RBMS3: variants seen among roughly 807,000 people sequenced by gnomAD.
The protein encoded by RBMS3 is RNA-binding motif, single-stranded-interacting protein 3.
Under a neutral mutation model 66.8 loss-of-function variants are expected in RBMS3, and 27 were observed. The ratio of observed to expected loss-of-function variants is 0.40; its 90% CI spans 0.30 to 0.56. The LOEUF (loss-of-function observed/expected upper bound fraction) is 0.56, where lower values mean the gene tolerates loss of function less well. Among genes scored for constraint, RBMS3 ranks in the 20% least tolerant of loss-of-function variants. The pLI, the probability that RBMS3 is intolerant of heterozygous loss-of-function variation, is 0.40. For missense variants in RBMS3, 513 were observed against 549.5 expected, an observed-to-expected ratio of 0.93 and a Z score of 0.66; for synonymous variants, 188 against 183.0, an observed-to-expected ratio of 1.03 and a Z score of -0.22.
intron 1 of RBMS3, among the ~76,000 whole-genome samples, chr3:29,347,768 A>G (rs893704290): frequency 2.0e-5 from 3 of 152,206 alleles, no homozygotes; most frequent in Admixed American, 6.5e-5. Context: ...TCTCCCCACA[A>G]AACTCGCCGT....
intron 12 of RBMS3, among the ~76,000 whole-genome samples, chr3:29,960,323 G>A (rs1373472741): frequency 1.3e-5 from 2 of 152,160 alleles, no homozygotes; most frequent in Non-Finnish European, 2.9e-5. Context: ...CAGGGATGTG[G>A]TACAAGAGGT....
chr3:29,519,921 C>T (rs755195293), intron 3 of RBMS3, among the ~76,000 whole-genome samples: 2 of 152,104 alleles, frequency 1.3e-5, no homozygotes, highest in Non-Finnish European at 2.9e-5. Context: ...AATACAGATG[C>T]TCCAGTTAAA....
At chr3:29,998,972 A>G (rs1699433490) in intron 14 of RBMS3, among the ~76,000 whole-genome samples, 1 of 152,156 alleles carries the variant, frequency 6.6e-6, no homozygotes, top group Non-Finnish European at 1.5e-5. Context: ...CTACCATCAG[A>G]GTGAACAGGC....
chr3:29,768,522 A>T (rs1194435262), intron 6 of RBMS3, among the ~76,000 whole-genome samples: 1 of 151,910 alleles, frequency 6.6e-6, no homozygotes, highest in African/African-American at 2.4e-5. Flanking sequence ...TACTCTACCC[A>T]CCTGTGATTT....
intron 5 of RBMS3, among the ~76,000 whole-genome samples, chr3:29,754,275 A>G (rs1487066732): frequency 6.6e-6 from 1 of 152,204 alleles, no homozygotes; most frequent in African/African-American, 2.4e-5. Flanking sequence ...AACTCTAAGA[A>G]TTAATTCAAA....
chr3:29,493,789 G>T (rs926427232), intron 3 of RBMS3, among the ~76,000 whole-genome samples: 1 of 152,156 alleles, frequency 6.6e-6, no homozygotes, highest in Admixed American at 6.5e-5. Flanking sequence ...AATTAGGAGA[G>T]AATAACATGT....
At chr3:29,414,303 T>C (rs185034626) in intron 1 of RBMS3, among the ~76,000 whole-genome samples, 7 of 152,324 alleles carry the variant, frequency 4.6e-5, no homozygotes. Context: ...TCCCATGAGA[T>C]AGGACACAGT....
intron 12 of RBMS3, among the ~76,000 whole-genome samples, chr3:29,969,219 C>T (rs1697064870): frequency 6.6e-6 from 1 of 152,162 alleles, no homozygotes; most frequent in African/African-American, 2.4e-5. Flanking sequence ...TATCCCTGGT[C>T]TGATAACGAT....
intron 6 of RBMS3, among the ~76,000 whole-genome samples, chr3:29,793,712 C>A (rs1045771236): frequency 1.3e-5 from 2 of 152,224 alleles, no homozygotes; most frequent in African/African-American, 4.8e-5. Context: ...TGAAGCTTAG[C>A]TTCACTGATG....
chr3:29,530,871 CA>C (rs5847575), intron 3 of RBMS3, among the ~76,000 whole-genome samples: 3,492 of 106,718 alleles, frequency 0.033, 49 homozygotes, highest in Middle Eastern at 0.077. Context: ...GATTCCATCT[CA>C]AAAAAAAAAA....
intron 2 of RBMS3, among the ~76,000 whole-genome samples, chr3:29,435,319 C>T (rs897354373): frequency 1.3e-5 from 2 of 152,150 alleles, no homozygotes; most frequent in Non-Finnish European, 2.9e-5. Context: ...AGGATTACCT[C>T]TTGTGTTACA....
intron 2 of RBMS3, among the ~76,000 whole-genome samples, chr3:29,459,514 C>T (rs1004248528): frequency 6.6e-6 from 1 of 152,214 alleles, no homozygotes; most frequent in African/African-American, 2.4e-5. Context: ...CTGTCTTCTG[C>T]TTCCTAGGTA....
At chr3:29,743,823 C>T (rs1350273567) in intron 5 of RBMS3, among the ~76,000 whole-genome samples, 2 of 150,332 alleles carry the variant, frequency 1.3e-5, no homozygotes, top group South Asian at 4.2e-4. Context: ...TATACATGTG[C>T]CATGTTGGTA....
chr3:29,500,548 A>G (rs2043928464), intron 3 of RBMS3, among the ~76,000 whole-genome samples: 1 of 152,018 alleles, frequency 6.6e-6, no homozygotes, highest in Middle Eastern at 3.4e-3. Context: ...ATAGGATTAT[A>G]CCATGTTTTT....
At chr3:29,715,037 T>A (rs1173233895) in intron 4 of RBMS3, among the ~76,000 whole-genome samples, 1 of 152,206 alleles carries the variant, frequency 6.6e-6, no homozygotes, top group Non-Finnish European at 1.5e-5. Context: ...AACAACTTCT[T>A]GAAGATAATT....
At chr3:29,894,433 T>G (rs115307564) in intron 8 of RBMS3, among the ~76,000 whole-genome samples, 2,849 of 151,580 alleles carry the variant, frequency 0.019, 39 homozygotes, top group South Asian at 0.037. Context: ...TTCAGACTGG[T>G]CTCAAACTCC....
At chr3:29,284,704 G>A (rs2032128011) in intron 1 of RBMS3, among the ~76,000 whole-genome samples, 1 of 151,888 alleles carries the variant, frequency 6.6e-6, no homozygotes. Flanking sequence ...TCCTTAAAAT[G>A]TTATATATTA....
chr3:29,361,689 C>A (rs2037600755), intron 1 of RBMS3, among the ~76,000 whole-genome samples: 1 of 152,206 alleles, frequency 6.6e-6, no homozygotes, highest in Admixed American at 6.5e-5. Flanking sequence ...GTACACCAAT[C>A]AGATGTAGAT....
In RBMS3 at chr3:29,507,616, C is replaced by T. The variant is rs61173303; in HGVS notation, c.307+19117C>T. Among the ~76,000 whole-genome samples the T allele has an allele frequency of 1.8e-3, 274 of 152,196 alleles. 2 individuals are homozygous for T. The highest frequency in any genetic ancestry group is 6.3e-3 in the African/African-American group (261 of 41,556). ...AATTATCAGTTGACATGTCTCTCTC[C>T]TCTGCACTGTGACTTCTTTGATGGG... On this transcript the variant is annotated intron_variant, in intron 3 of 14. Coordinates refer to ENST00000383767, the MANE Select transcript of RBMS3 (RefSeq NM_001003793.3).
Sources: allele counts gnomAD v4.1 joint callset (sites outside exome capture counted in the v4.1 genomes callset), GRCh38; gene constraint gnomAD v4.1.1; transcripts MANE v1.5; gene names NCBI Gene and HGNC (gene_info 2026-07-23, HGNC 2026-07-21).